SLC20A2: variants seen among roughly 807,000 people sequenced by gnomAD.
The protein encoded by SLC20A2 is sodium-dependent phosphate transporter 2.
Under a neutral mutation model 61.0 loss-of-function variants are expected in SLC20A2, and 30 were observed. The observed-to-expected ratio is 0.49, with a 90% CI of 0.37 to 0.67. The LOEUF (loss-of-function observed/expected upper bound fraction) is 0.67, where lower values mean the gene tolerates loss of function less well. Ranked by LOEUF, SLC20A2 falls within the 30% of genes least tolerant of loss-of-function variation. The pLI is 0.00. For missense variants in SLC20A2, 626 were observed against 866.4 expected (o/e 0.72, Z 3.48); for synonymous variants, 351 against 353.3 (o/e 0.99, Z 0.07).
chr8:42,513,833 G>A (rs953375498), intron 1 of SLC20A2, among the ~76,000 whole-genome samples: 2 of 152,168 alleles, frequency 1.3e-5, no homozygotes, highest in Non-Finnish European at 2.9e-5. Flanking sequence ...GGGAGATTTT[G>A]CGATGGAAAT....
intron 5 of SLC20A2, 101 bp downstream of exon 5, chr8:42,459,795 A>G: frequency 1.3e-6 from 1 of 753,026 alleles, no homozygotes; most frequent in Non-Finnish European, 2.3e-6. Flanking sequence ...ACCATGAGTA[A>G]TGCTTTTTAC....
intron 2 of SLC20A2, among the ~76,000 whole-genome samples, chr8:42,471,426 G>A (rs1297326141): frequency 2.0e-5 from 3 of 152,142 alleles, no homozygotes. Flanking sequence ...TGCAATAAAA[G>A]GTCATGCTAT....
Position 42,472,408 on chromosome 8 carries a change from G to A in SLC20A2, c.-18C>T, listed in dbSNP as rs772979856. The A allele has an allele frequency of 8.7e-6, 14 of 1,600,606 alleles. No individual in the cohort carries two copies. The highest frequency in any genetic ancestry group is 1.7e-5 in the Admixed American group (1 of 58,222). ...ATGGCCATTTTGGAAAGTGGGTGCC[G>A]GGTACTTTTCTTTTGCAGGAATATT... On this transcript the variant is annotated 5_prime_UTR_variant, in exon 2 of 11. Transcript: ENST00000520262. The surrounding 1 kb of genome is among the most constrained non-coding windows in gnomAD (Gnocchi z 4.1).
chr8:42,483,589 T>G (rs914237412), intron 1 of SLC20A2, among the ~76,000 whole-genome samples: 2 of 152,328 alleles, frequency 1.3e-5, no homozygotes, highest in African/African-American at 4.8e-5. Context: ...ATTCCCACTC[T>G]CTAACACAGA....
intron 1 of SLC20A2, among the ~76,000 whole-genome samples, chr8:42,539,947 A>G (rs1812966684): frequency 6.6e-6 from 1 of 152,236 alleles, no homozygotes; most frequent in African/African-American, 2.4e-5. Context: ...TCTATGGGTA[A>G]CATTTTATAT....
chr8:42,502,294 A>C (rs1810374766), upstream of SLC20A2: 1 of 152,120 alleles, frequency 6.6e-6, no homozygotes, highest in Admixed American at 6.5e-5. Flanking sequence ...CTATAATCCT[A>C]TAGACCTTTT....
chr8:42,443,621 T>C (rs1021602536), intron 6 of SLC20A2, among the ~76,000 whole-genome samples: 1 of 151,984 alleles, frequency 6.6e-6, no homozygotes, highest in Non-Finnish European at 1.5e-5. Context: ...TAAGCCACCA[T>C]GCCCAGCCAA....
intron 6 of SLC20A2, among the ~76,000 whole-genome samples, 158 bp from the exon 7 acceptor site, chr8:42,439,811 G>T (rs1012520367): frequency 1.3e-5 from 2 of 152,100 alleles, no homozygotes; most frequent in African/African-American, 4.8e-5. Flanking sequence ...TTGAGGCCAG[G>T]TGTGGTGGCT....
chr8:42,489,798 T>C (rs1053408367), intron 1 of SLC20A2, among the ~76,000 whole-genome samples: 1 of 152,338 alleles, frequency 6.6e-6, no homozygotes, highest in South Asian at 2.1e-4. Flanking sequence ...CATGGCTGTG[T>C]GTGGCTCGAA....
chr8:42,541,672 G>C (rs1332434758), intron 1 of SLC20A2: 1 of 149,686 alleles, frequency 6.7e-6, no homozygotes, highest in Non-Finnish European at 1.5e-5. Flanking sequence ...GAGCGGAGCA[G>C]CGCTGGCCGC....
intron 1 of SLC20A2, chr8:42,541,760 G>A (rs1371959097): frequency 6.7e-6 from 1 of 148,954 alleles, no homozygotes; most frequent in Non-Finnish European, 1.5e-5. Context: ...CGCGTCACCC[G>A]GCCCCGCCCC....
chr8:42,533,654 C>CTTTTTTTCTTTTTTTTCTTTTTTT (rs1253260874), intron 1 of SLC20A2, among the ~76,000 whole-genome samples: 1 of 55,310 alleles, frequency 1.8e-5, no homozygotes, highest in Admixed American at 2.1e-4. Flanking sequence ...ATCAACTGTT[C>CTTTTTTTCTTTTTTTTCTTTTTTT]TTTTTTTTTT....
intron 1 of SLC20A2, among the ~76,000 whole-genome samples, chr8:42,494,810 C>T (rs1354130163): frequency 1.3e-5 from 2 of 152,028 alleles, no homozygotes; most frequent in Non-Finnish European, 2.9e-5. Flanking sequence ...GACTGGACAG[C>T]TATAATGAGA....
At chr8:42,513,254 T>C (rs1811126100) in intron 1 of SLC20A2, among the ~76,000 whole-genome samples, 1 of 152,164 alleles carries the variant, frequency 6.6e-6, no homozygotes, top group African/African-American at 2.4e-5. Flanking sequence ...ACTGTCCATA[T>C]AAGGGCATCC....
In SLC20A2 at chr8:42,444,688, C is replaced by CA; in HGVS notation, c.687dup (p.Val230CysfsTer28). Reference sequence around the variant, plus strand: ...ATCCACGGACACACGAAGAGCCACACAAAAAAAGCGAACAGGAGGGCGACA... The same window carrying CA: ...ATCCACGGACACACGAAGAGCCACACAAAAAAAAGCGAACAGGAGGGCGACA... On this transcript the variant is annotated frameshift_variant, in exon 6 of 11. Coordinates refer to ENST00000520262, the MANE Select transcript of SLC20A2 (RefSeq NM_001257180.2). LOFTEE classifies it high-confidence loss of function. 2 of 1,613,758 alleles carry CA rather than the reference C, an allele frequency of 1.2e-6. No homozygotes were observed. The highest frequency in any genetic ancestry group is 2.2e-5 in the East Asian group (1 of 44,866).
rs562550083 is a variant in SLC20A2, at chr8:42,477,103, T to TTA, written c.-264-4450_-264-4449insTA. Among the ~76,000 whole-genome samples the TTA allele has an allele frequency of 5.4e-3, 815 of 152,316 alleles. 9 individuals are homozygous for TTA. Among genetic ancestry groups the TTA allele is most frequent in the African/African-American group, 0.019 (788 of 41,570 alleles). ...TAAGGCCCCGTCGCAGTTCTGTTCC[T>TTA]CTCTAGTGGCTGACCCTGGGTACCT... On this transcript the variant is annotated intron_variant, in intron 1 of 10. Transcript: ENST00000520262.
intron 2 of SLC20A2, chr8:42,471,321 C>T (rs1807622135): frequency 1.2e-5 from 5 of 432,574 alleles, no homozygotes; most frequent in African/African-American, 6.0e-5. Flanking sequence ...GATCTGTGTC[C>T]GCTTAGGCCA....
chr8:42,501,699 G>A (rs1301163815), upstream of SLC20A2, among the ~76,000 whole-genome samples: 1 of 152,190 alleles, frequency 6.6e-6, no homozygotes, highest in East Asian at 1.9e-4. Context: ...TTCTGGCTCT[G>A]CCTCCTCCTG....
rs1802698751 is a variant in SLC20A2, at chr8:42,416,842, T to G, written c.*961A>C. 6.5e-6 allele frequency: 1 copy of G among 152,758 alleles called. No homozygotes were observed. The highest frequency in any genetic ancestry group is 2.4e-5 in the African/African-American group (1 of 41,468). 9.5% of individuals were successfully genotyped at this position (152,758 alleles called of 1,614,324 possible). ...CTGCAGGGAGAATTGGGATAGAAAC[T>G]GACTCTGGACTTGACATGTAGTGCT... is the stretch of plus-strand genomic sequence containing the variant. On this transcript the variant is annotated 3_prime_UTR_variant, in exon 11 of 11. Transcript: ENST00000520262.
Sources: allele counts gnomAD v4.1 joint callset (sites outside exome capture counted in the v4.1 genomes callset), GRCh38; gene constraint gnomAD v4.1.1; non-coding constraint Gnocchi (gnomAD v3.1); transcripts MANE v1.5; gene names NCBI Gene and HGNC (gene_info 2026-07-23, HGNC 2026-07-21).